Variants in SPAG16 observed in about 807,000 individuals in gnomAD.
The protein encoded by SPAG16 is sperm associated antigen 16, also known as sperm-associated antigen 16 protein.
In SPAG16, 86 loss-of-function variants were observed where a neutral mutation model predicts 80.4. The observed-to-expected ratio is 1.07, with a 90% CI of 0.90 to 1.28. The LOEUF (loss-of-function observed/expected upper bound fraction) is 1.28. SPAG16 is among the 50% of genes most tolerant of loss of function. SPAG16 has a pLI of 0.00. For missense variants in SPAG16, 870 were observed against 765.3 expected, an observed-to-expected ratio of 1.14 and a Z score of -1.61; for synonymous variants, 294 against 265.9, an observed-to-expected ratio of 1.11 and a Z score of -1.03.
At chr2:213,740,940 C>A (rs1427148198) in intron 10 of SPAG16, among the ~76,000 whole-genome samples, 2 of 152,186 alleles carry the variant, frequency 1.3e-5, no homozygotes, top group Non-Finnish European at 2.9e-5. Context: ...ATTAACTGTT[C>A]TTTCAACCTA....
intron 15 of SPAG16, among the ~76,000 whole-genome samples, chr2:214,178,585 T>C (rs1372438340): frequency 1.3e-5 from 2 of 151,306 alleles, no homozygotes; most frequent in Admixed American, 1.3e-4. Context: ...AAGTCTATAT[T>C]GCTTTTGAAT....
At chr2:213,726,974 T>C (rs1293539644) in intron 10 of SPAG16, among the ~76,000 whole-genome samples, 1 of 152,226 alleles carries the variant, frequency 6.6e-6, no homozygotes, top group Non-Finnish European at 1.5e-5. Context: ...ATTTTATCTT[T>C]GGAAAGTTTG....
chr2:214,173,447 A>G (rs1487576539), intron 15 of SPAG16, among the ~76,000 whole-genome samples: 1 of 151,982 alleles, frequency 6.6e-6, no homozygotes, highest in Non-Finnish European at 1.5e-5. Context: ...GTTCTGTTCC[A>G]TTGATCTATA....
At chr2:213,464,871 C>G (rs889859905) in intron 9 of SPAG16, among the ~76,000 whole-genome samples, 3 of 152,198 alleles carry the variant, frequency 2.0e-5, no homozygotes, top group Admixed American at 6.5e-5. Context: ...TTGCCATCCT[C>G]CAGTTGTAGC....
chr2:213,811,581 C>T (rs540426740), intron 10 of SPAG16, among the ~76,000 whole-genome samples: 9 of 152,184 alleles, frequency 5.9e-5, no homozygotes, highest in African/African-American at 2.2e-4. Context: ...TACCCCTGTA[C>T]ATTTCACTGC....
At chr2:214,313,251 A>G (rs1695455005) in intron 15 of SPAG16, among the ~76,000 whole-genome samples, 1 of 152,142 alleles carries the variant, frequency 6.6e-6, no homozygotes, top group African/African-American at 2.4e-5. Flanking sequence ...TGCAATATAT[A>G]CTAATTATTC....
At chr2:213,311,256 A>G (rs1436601080) in intron 4 of SPAG16, among the ~76,000 whole-genome samples, 1 of 151,688 alleles carries the variant, frequency 6.6e-6, no homozygotes. Context: ...AAGAAATATA[A>G]TAATTACAAA....
intron 15 of SPAG16, among the ~76,000 whole-genome samples, chr2:214,309,235 G>T (rs1316587762): frequency 1.3e-5 from 2 of 151,908 alleles, no homozygotes; most frequent in African/African-American, 2.4e-5. Flanking sequence ...AGTTCTGTCA[G>T]GGTGGCTATG....
chr2:213,652,237 T>G (rs1181475912), intron 10 of SPAG16, among the ~76,000 whole-genome samples: 1 of 152,188 alleles, frequency 6.6e-6, no homozygotes, highest in East Asian at 1.9e-4. Context: ...TTCAGAATAG[T>G]GCTTGTCTCA....
At chr2:213,584,666 G>A (rs565362389) in intron 10 of SPAG16, among the ~76,000 whole-genome samples, 4 of 152,214 alleles carry the variant, frequency 2.6e-5, no homozygotes, top group Admixed American at 6.5e-5. Context: ...ACGGATGGAC[G>A]GGAGGAAGTG....
At chr2:213,635,852 C>T (rs2062341584) in intron 10 of SPAG16, among the ~76,000 whole-genome samples, 1 of 151,978 alleles carries the variant, frequency 6.6e-6, no homozygotes, top group African/African-American at 2.4e-5. Flanking sequence ...GAATATTATT[C>T]CTTTGTCAGA....
intron 10 of SPAG16, among the ~76,000 whole-genome samples, chr2:213,535,745 A>G (rs1014439258): frequency 6.6e-6 from 1 of 152,178 alleles, no homozygotes; most frequent in East Asian, 1.9e-4. Flanking sequence ...TCATAAGAAG[A>G]AATGTTCTTT....
intron 10 of SPAG16, among the ~76,000 whole-genome samples, chr2:213,741,951 TTTTCAACC>T (rs2067572507): frequency 6.6e-6 from 1 of 152,156 alleles, no homozygotes; most frequent in South Asian, 2.1e-4. Context: ...TTTCATTCTT[TTTTCAACC>T]TTTCTGTGTA....
At chr2:213,881,175 A>G (rs1006670582) in intron 11 of SPAG16, among the ~76,000 whole-genome samples, 1 of 152,066 alleles carries the variant, frequency 6.6e-6, no homozygotes, top group African/African-American at 2.4e-5. Context: ...GAGATATCTC[A>G]TCTCCTTGGT....
chr2:214,361,774 C>G (rs1177653131), intron 15 of SPAG16, among the ~76,000 whole-genome samples: 1 of 151,868 alleles, frequency 6.6e-6, no homozygotes, highest in Admixed American at 6.6e-5. Context: ...CAAGTAGACC[C>G]TTTCTTCTGT....
At chr2:213,949,179 T>TTTTTTTTTTTTTTTTTTTGTTTTTTG (rs1553677674) in intron 12 of SPAG16, among the ~76,000 whole-genome samples, 4 of 36,240 alleles carry the variant, frequency 1.1e-4, no homozygotes, top group Non-Finnish European at 1.6e-4. Context: ...GTTTTTTTTT[T>TTTTTTTTTTTTTTTTTTTGTTTTTTG]TTTTTTTTTT....
chr2:214,013,179 CTT>C (rs11382197), intron 12 of SPAG16, among the ~76,000 whole-genome samples: 42 of 138,834 alleles, frequency 3.0e-4, no homozygotes, highest in Admixed American at 3.6e-4. Context: ...AGTATTTTGT[CTT>C]TTTTTTTTTT....
chr2:214,280,289 A>C (rs558096973), intron 15 of SPAG16, among the ~76,000 whole-genome samples: 1 of 152,228 alleles, frequency 6.6e-6, no homozygotes, highest in East Asian at 1.9e-4. Flanking sequence ...TAAGATGTCA[A>C]TTCTCCCCAG....
At chr2:213,424,611 A>T (rs895469435) in intron 9 of SPAG16, among the ~76,000 whole-genome samples, 2 of 152,196 alleles carry the variant, frequency 1.3e-5, no homozygotes, top group African/African-American at 4.8e-5. Flanking sequence ...TGAACATGTT[A>T]ATTTTCTGCT....
Sources: allele counts gnomAD v4.1 joint callset (sites outside exome capture counted in the v4.1 genomes callset), GRCh38; gene constraint gnomAD v4.1.1; transcripts MANE v1.5; gene names NCBI Gene and HGNC (gene_info 2026-07-23, HGNC 2026-07-21).